NOS1AP: variants seen among roughly 807,000 people sequenced by gnomAD.
The protein encoded by NOS1AP is carboxyl-terminal PDZ ligand of neuronal nitric oxide synthase protein.
A neutral mutation model predicts 56.2 loss-of-function variants in NOS1AP; 21 were observed. The ratio of observed to expected loss-of-function variants is 0.37; its 90% CI spans 0.26 to 0.54. The LOEUF is 0.54. Among genes scored for constraint, NOS1AP ranks in the 20% least tolerant of loss-of-function variants. The pLI is 0.84. For synonymous variants in NOS1AP, 270 were observed against 274.6 expected (o/e 0.98, Z 0.17); for missense variants, 522 against 657.8 (o/e 0.79, Z 2.26).
At chr1:162,147,169 A>C (rs1444383390) in intron 1 of NOS1AP, among the ~76,000 whole-genome samples, 1 of 151,904 alleles carries the variant, frequency 6.6e-6, no homozygotes, top group Non-Finnish European at 1.5e-5. Flanking sequence ...CTCTATGAAA[A>C]ATACAAAAAA....
chr1:162,163,489 A>T (rs1650327370), intron 2 of NOS1AP, among the ~76,000 whole-genome samples: 1 of 152,192 alleles, frequency 6.6e-6, no homozygotes, highest in African/African-American at 2.4e-5. Flanking sequence ...ACAGCAGTCT[A>T]CAAAACAAAG....
intron 2 of NOS1AP, among the ~76,000 whole-genome samples, chr1:162,250,902 C>A (rs748274970): frequency 3.3e-5 from 5 of 152,074 alleles, no homozygotes; most frequent in Non-Finnish European, 5.9e-5. Flanking sequence ...CTGCCTCCTG[C>A]CTTGACGTCC....
chr1:162,325,653 C>A (rs557173260), intron 4 of NOS1AP, among the ~76,000 whole-genome samples: 22 of 152,182 alleles, frequency 1.4e-4, no homozygotes, highest in Non-Finnish European at 2.4e-4. Context: ...TTTATCTGGT[C>A]TTGAGCAGCA....
At chr1:162,155,233 T>TATACATATACAC (rs1557807942) in intron 2 of NOS1AP, among the ~76,000 whole-genome samples, 1 of 17,648 alleles carries the variant, frequency 5.7e-5, no homozygotes, top group African/African-American at 7.2e-5. Flanking sequence ...TACATATATA[T>TATACATATACAC]ATACATATAC....
At chr1:162,245,121 A>G (rs1653618314) in intron 2 of NOS1AP, among the ~76,000 whole-genome samples, 1 of 152,186 alleles carries the variant, frequency 6.6e-6, no homozygotes, top group South Asian at 2.1e-4. Flanking sequence ...GGGGAAGGCA[A>G]TTGCTGTGAA....
At chr1:162,072,062 A>ATAGATAGATAGG (rs1355072960) in intron 1 of NOS1AP, among the ~76,000 whole-genome samples, 15 of 124,736 alleles carry the variant, frequency 1.2e-4, no homozygotes, top group African/African-American at 4.4e-4. Flanking sequence ...CCTGTCTCAG[A>ATAGATAGATAGG]TAGATAGATA....
chr1:162,318,102 C>T (rs985961805), intron 4 of NOS1AP, among the ~76,000 whole-genome samples: 4 of 152,184 alleles, frequency 2.6e-5, no homozygotes, highest in African/African-American at 9.7e-5. Context: ...TGCACTCTGC[C>T]TTCTGCTGTC....
intron 2 of NOS1AP, among the ~76,000 whole-genome samples, chr1:162,283,501 T>C (rs114357705): frequency 0.024 from 3,708 of 152,254 alleles, 69 homozygotes; most frequent in Non-Finnish European, 0.037. Flanking sequence ...TGTCAGGAGA[T>C]GATTAGAAAT....
intron 1 of NOS1AP, 44 bp downstream of exon 1, chr1:162,070,326 G>C (rs373463726): frequency 6.5e-7 from 1 of 1,536,944 alleles, no homozygotes; most frequent in Non-Finnish European, 9.0e-7. Flanking sequence ...TGGCGGTTGG[G>C]GGGGCATGTT....
At chr1:162,180,982 G>A (rs993542086) in intron 2 of NOS1AP, among the ~76,000 whole-genome samples, 3 of 152,210 alleles carry the variant, frequency 2.0e-5, no homozygotes, top group Admixed American at 2.0e-4. Context: ...TCTATTCTCA[G>A]CTATCCTCAA....
chr1:162,288,650 C>G (rs976445247), intron 3 of NOS1AP, among the ~76,000 whole-genome samples: 1 of 152,172 alleles, frequency 6.6e-6, no homozygotes, highest in Non-Finnish European at 1.5e-5. Flanking sequence ...TTACAAAGGT[C>G]TCTTACGTAT....
chr1:162,254,622 G>T (rs547883749), intron 2 of NOS1AP, among the ~76,000 whole-genome samples: 2 of 152,222 alleles, frequency 1.3e-5, no homozygotes, highest in Non-Finnish European at 2.9e-5. Context: ...AGTAGCTAGC[G>T]TGTCACAAGA....
chr1:162,365,157 G>C, intron 8 of NOS1AP: 4 of 1,421,068 alleles, frequency 2.8e-6, no homozygotes, highest in African/African-American at 1.4e-5. Flanking sequence ...CTTGGTATGG[G>C]TACCTTAGTG....
chr1:162,211,389 C>A (rs1485824037), intron 2 of NOS1AP, among the ~76,000 whole-genome samples: 3 of 152,122 alleles, frequency 2.0e-5, no homozygotes, highest in Admixed American at 2.0e-4. Flanking sequence ...CTCTCCCTCC[C>A]CTCCTCTTAT....
chr1:162,367,082 C>T lies in NOS1AP; in HGVS notation c.1136C>T (p.Thr379Ile). The T allele has an allele frequency of 5.6e-6, 9 of 1,613,948 alleles. No homozygotes were observed. The highest frequency in any genetic ancestry group is 7.6e-6 in the Non-Finnish European group (9 of 1,180,008). Residue 379 changes from threonine (T) to isoleucine (I), a missense_variant, in exon 10 of 10, where the codon ACC becomes ATC. By Grantham distance (89) the Thr-to-Ile change is moderately conservative (BLOSUM62 -1). Coordinates refer to ENST00000361897, the MANE Select transcript of NOS1AP (RefSeq NM_014697.3). The surrounding 1 kb of genome is among the most constrained non-coding windows in gnomAD (Gnocchi z 6.5). ...MGSQDSLLEI[T>I]FRSGALPVLC... is the part of the protein sequence containing the mutation. ...TCCCAGGACAGCTTGCTGGAGATCACCTTCCGCTCCGGAGCCCTGCCCGTG... is the reference window on the plus strand; with the variant it reads ...TCCCAGGACAGCTTGCTGGAGATCATCTTCCGCTCCGGAGCCCTGCCCGTG...
At chr1:162,159,999 CT>C (rs1310134624) in intron 2 of NOS1AP, among the ~76,000 whole-genome samples, 1 of 152,148 alleles carries the variant, frequency 6.6e-6, no homozygotes, top group East Asian at 1.9e-4. Flanking sequence ...AGGCTGGAGA[CT>C]TGATTTCTTG....
intron 4 of NOS1AP, among the ~76,000 whole-genome samples, chr1:162,314,066 G>C (rs918096916): frequency 6.6e-6 from 1 of 152,162 alleles, no homozygotes; most frequent in Non-Finnish European, 1.5e-5. Context: ...GCCTTGATTT[G>C]CTTGTTTGCT....
At chr1:162,229,190 G>A (rs903196285) in intron 2 of NOS1AP, among the ~76,000 whole-genome samples, 1 of 152,156 alleles carries the variant, frequency 6.6e-6, no homozygotes, top group African/African-American at 2.4e-5. Context: ...GCTGTGGCTC[G>A]GGAAGGAGGC....
chr1:162,228,355 C>T (rs774784131), intron 2 of NOS1AP, among the ~76,000 whole-genome samples: 7 of 152,118 alleles, frequency 4.6e-5, no homozygotes, highest in South Asian at 2.1e-4. Context: ...TGGAGAATAC[C>T]GTGGCATTGA....
Sources: gnomAD v4.1 joint callset for allele counts (sites outside exome capture counted in the v4.1 genomes callset) on GRCh38, gnomAD v4.1.1 for gene constraint, Gnocchi (gnomAD v3.1) non-coding constraint, MANE v1.5 for transcripts, NCBI Gene and HGNC (gene_info 2026-07-23, HGNC 2026-07-21) for gene names.